The following KCND3 variants were observed in gnomAD, a reference collection of about 807,000 sequenced individuals.
KCND3 encodes the protein potassium voltage-gated channel subfamily D member 3, also known as A-type voltage-gated potassium channel KCND3.
A neutral mutation model predicts 51.1 loss-of-function variants in KCND3; 9 were observed. The ratio of observed to expected loss-of-function variants is 0.18; its 90% confidence interval spans 0.11 to 0.31. The LOEUF (loss-of-function observed/expected upper bound fraction) is 0.31, where lower values mean the gene tolerates loss of function less well. KCND3 is among the 10% of genes least tolerant of loss of function. The pLI, the probability that KCND3 is intolerant of heterozygous loss-of-function variation, is 1.00. For missense variants in KCND3, 526 were observed against 903.8 expected (o/e 0.58, Z 5.36); for synonymous variants, 349 against 368.0 (o/e 0.95, Z 0.59).
chr1:111,872,819 G>A (rs1420944586), intron 2 of KCND3, among the ~76,000 whole-genome samples: 1 of 152,166 alleles, frequency 6.6e-6, no homozygotes, highest in Non-Finnish European at 1.5e-5. Flanking sequence ...TACCCAGTGA[G>A]AACACTCATC....
chr1:111,951,420 A>G (rs2101907223), intron 2 of KCND3, among the ~76,000 whole-genome samples: 1 of 152,176 alleles, frequency 6.6e-6, no homozygotes, highest in East Asian at 1.9e-4. Flanking sequence ...AAAAGTTCCC[A>G]ATTTCTTTAG....
intron 2 of KCND3, among the ~76,000 whole-genome samples, chr1:111,945,864 T>C (rs981639640): frequency 2.4e-4 from 36 of 152,188 alleles, no homozygotes; most frequent in African/African-American, 8.7e-4. Context: ...GCAGCCTGTC[T>C]CCATGCTGTA....
chr1:111,946,677 T>C (rs969100), intron 2 of KCND3, among the ~76,000 whole-genome samples: 103,015 of 152,112 alleles, frequency 0.68, 35,054 homozygotes, highest in Admixed American at 0.73. Flanking sequence ...TTGCAGATTA[T>C]TATTAAATAC....
Position 111,786,995 on chromosome 1 carries a change from A to G in KCND3, c.1218T>C (p.Phe406=). The G allele has an allele frequency of 6.2e-7, 1 of 1,614,198 alleles. No individual in the cohort carries two copies. Among genetic ancestry groups the G allele is most frequent in the Non-Finnish European group, 8.5e-7 (1 of 1,180,026 alleles). ...TCTGATTCTGGTGGTAAATCCGGCT[A>G]AAGTTGGAAACAATCACAGGGACTG... The part of the protein sequence containing the change: ...ALPVPVIVSN[F]SRIYHQNQRA... The change falls in exon 3 of 8, where the codon TTT becomes TTC. Residue 406 remains phenylalanine (F), a synonymous_variant. Coordinates refer to ENST00000302127, the MANE Select transcript of KCND3 (RefSeq NM_001378969.1).
intron 2 of KCND3, among the ~76,000 whole-genome samples, chr1:111,882,272 A>T (rs1316597229): frequency 6.6e-6 from 1 of 152,224 alleles, no homozygotes; most frequent in Non-Finnish European, 1.5e-5. Flanking sequence ...AAATCGAGGC[A>T]TGGGGCACTC....
intron 2 of KCND3, among the ~76,000 whole-genome samples, chr1:111,816,666 G>T (rs1666104382): frequency 6.6e-6 from 1 of 152,180 alleles, no homozygotes; most frequent in Admixed American, 6.5e-5. Flanking sequence ...CTAGGTCATA[G>T]GTATTATTGC....
In KCND3 at chr1:111,773,622, TG is replaced by T. The variant is rs1664004142; in HGVS notation, c.*2454del. On this transcript the variant is annotated 3_prime_UTR_variant, in exon 8 of 8. Transcript: ENST00000302127. ...TTTTAGTAGAGATGGGGTTTCACCATGTTGGCCAAGTTGGTCTTCAACTCCT... is the reference window on the plus strand; with the variant it reads ...TTTTAGTAGAGATGGGGTTTCACCATTTGGCCAAGTTGGTCTTCAACTCCT... 6.6e-6 allele frequency: 1 copy of T among 152,060 alleles called. No homozygotes were observed. Among genetic ancestry groups the T allele is most frequent in the African/African-American group, 2.4e-5 (1 of 41,382 alleles). The allele number at this position is 152,060 out of a possible 1,614,324, so 9.4% of individuals were successfully genotyped here. A position where few individuals can be genotyped will look rare whatever the true frequency, so the allele number is the denominator to read the frequency against.
chr1:111,781,723 A>G (rs1265958679), intron 3 of KCND3, among the ~76,000 whole-genome samples: 1 of 152,110 alleles, frequency 6.6e-6, no homozygotes, highest in Non-Finnish European at 1.5e-5. Context: ...TTCACCATGT[A>G]TCACCATGTT....
chr1:111,882,070 G>A (rs953828819), intron 2 of KCND3, among the ~76,000 whole-genome samples: 7 of 152,126 alleles, frequency 4.6e-5, no homozygotes, highest in Non-Finnish European at 7.4e-5. Context: ...TGGCCTCTCC[G>A]GGACAGACTG....
At chr1:111,832,431 C>G (rs942848156) in intron 2 of KCND3, among the ~76,000 whole-genome samples, 1 of 152,210 alleles carries the variant, frequency 6.6e-6, no homozygotes, top group Non-Finnish European at 1.5e-5. Context: ...CCAAAGCCAT[C>G]TGTAATAAAC....
intron 2 of KCND3, among the ~76,000 whole-genome samples, chr1:111,862,600 G>A (rs941554106): frequency 3.9e-5 from 6 of 152,230 alleles, no homozygotes; most frequent in African/African-American, 1.4e-4. Flanking sequence ...GTGTAGGAAA[G>A]AACCGTGTAG....
At chr1:111,972,073 T>C (rs1451100142) in intron 2 of KCND3, among the ~76,000 whole-genome samples, 2 of 152,106 alleles carry the variant, frequency 1.3e-5, no homozygotes, top group African/African-American at 4.8e-5. Flanking sequence ...CTAATGCCTA[T>C]CAAATGAATT....
chr1:111,822,289 A>G (rs1392007483), intron 2 of KCND3, among the ~76,000 whole-genome samples: 2 of 152,108 alleles, frequency 1.3e-5, no homozygotes, highest in Non-Finnish European at 2.9e-5. Flanking sequence ...GTTTGGTGAC[A>G]TTGTTTAAAC....
intron 2 of KCND3, among the ~76,000 whole-genome samples, chr1:111,856,225 T>C (rs1346546392): frequency 6.6e-6 from 1 of 152,198 alleles, no homozygotes. Flanking sequence ...AGGGCATGGA[T>C]GTGGGGTGGG....
chr1:111,985,880 A>C (rs961993226), intron 1 of KCND3, among the ~76,000 whole-genome samples: 5 of 152,204 alleles, frequency 3.3e-5, no homozygotes, highest in African/African-American at 4.8e-5. Context: ...TGCTCAGAGA[A>C]CAGAAAAACA....
chr1:111,972,153 T>C (rs1674362105), intron 2 of KCND3, among the ~76,000 whole-genome samples: 1 of 151,268 alleles, frequency 6.6e-6, no homozygotes, highest in African/African-American at 2.4e-5. Flanking sequence ...TCTAGCTATT[T>C]TCCTATTTGT....
intron 2 of KCND3, among the ~76,000 whole-genome samples, chr1:111,959,373 C>T (rs185620168): frequency 1.2e-4 from 19 of 152,306 alleles, no homozygotes; most frequent in Admixed American, 1.2e-3. Context: ...AAACATTCCA[C>T]CTCAAGCACT....
Position 111,780,565 on chromosome 1 carries a change from T to C in KCND3, c.1371+125A>G. ...ATGGGGGGCTGCTACCTGGGGAAAG[T>C]TTGGAAACGTGTCCTCCTTGGGGTT... On this transcript the variant is annotated intron_variant, in intron 4 of 7. Transcript: ENST00000302127. The surrounding 1 kb of genome is among the most constrained non-coding windows in gnomAD (Gnocchi z 4.2). The C allele has an allele frequency of 2.2e-6, 2 of 917,990 alleles. No individual in the cohort carries two copies. Among genetic ancestry groups the C allele is most frequent in the Non-Finnish European group, 3.5e-6 (2 of 575,370 alleles). 56.9% of individuals were successfully genotyped at this position (917,990 alleles called of 1,614,324 possible).
At chr1:111,834,117 G>A (rs896643773) in intron 2 of KCND3, among the ~76,000 whole-genome samples, 2 of 152,298 alleles carry the variant, frequency 1.3e-5, no homozygotes, top group African/African-American at 4.8e-5. Context: ...ATCAGACCAA[G>A]GATTTGACCA....
Sources: gnomAD v4.1 joint callset for allele counts (sites outside exome capture counted in the v4.1 genomes callset) on GRCh38, gnomAD v4.1.1 for gene constraint, Gnocchi (gnomAD v3.1) non-coding constraint, MANE v1.5 for transcripts, NCBI Gene and HGNC (gene_info 2026-07-23, HGNC 2026-07-21) for gene names.